KSR1: variants seen among roughly 807,000 people sequenced by gnomAD.
KSR1 encodes kinase suppressor of ras.
In KSR1, 35 loss-of-function variants were observed where a neutral mutation model predicts 92.9. The observed-to-expected ratio is 0.38, with a 90% CI of 0.29 to 0.50. The LOEUF is 0.50. Among genes scored for constraint, KSR1 ranks in the 20% least tolerant of loss-of-function variants. The pLI, the probability that KSR1 is intolerant of heterozygous loss-of-function variation, is 0.94. For missense variants in KSR1, 972 were observed against 1,158.5 expected, an observed-to-expected ratio of 0.84 and a Z score of 2.34; for synonymous variants, 467 against 472.6, an observed-to-expected ratio of 0.99 and a Z score of 0.15.
At chr17:27,621,971 C>A in intron 20 of KSR1, 1 of 1,609,606 alleles carries the variant, frequency 6.2e-7, no homozygotes, top group Non-Finnish European at 8.5e-7. Context: ...GGCTTTCTTC[C>A]TCCTAATCAA....
At chr17:27,582,258 T>A (rs1167634822) in intron 3 of KSR1, among the ~76,000 whole-genome samples, 1 of 152,148 alleles carries the variant, frequency 6.6e-6, no homozygotes, top group Non-Finnish European at 1.5e-5. Flanking sequence ...AGAGTCTGGG[T>A]TTTTTTAGAT....
At chr17:27,505,560 C>A (rs2069349641) in intron 1 of KSR1, among the ~76,000 whole-genome samples, 1 of 145,814 alleles carries the variant, frequency 6.9e-6, no homozygotes, top group Non-Finnish European at 1.5e-5. Flanking sequence ...CCAGCTTTGC[C>A]ACTCCCTGGC....
chr17:27,615,078 A>G (rs2074021989), intron 18 of KSR1, among the ~76,000 whole-genome samples: 3 of 152,198 alleles, frequency 2.0e-5, no homozygotes, highest in Admixed American at 2.0e-4. Context: ...ATATGGGAAG[A>G]CATCAAAAGA....
At position 27,459,984 on chromosome 17, in the gene KSR1, G is replaced by A. The variant is rs372805138; in HGVS notation, c.231+3110G>A. On this transcript the variant is annotated intron_variant, in intron 1 of 20. Coordinates refer to ENST00000644974, the MANE Select transcript of KSR1 (RefSeq NM_001394583.1). The surrounding 1 kb of genome is among the most constrained non-coding windows in gnomAD (Gnocchi z 4.6). Reference sequence around the variant, plus strand: ...AACTCACACACGTTCCTGGAGATCAGCAGTTTTCATCATACACATTTTCCC... The same window carrying A: ...AACTCACACACGTTCCTGGAGATCAACAGTTTTCATCATACACATTTTCCC... Among the ~76,000 whole-genome samples the A allele has an allele frequency of 2.6e-4, 39 of 152,320 alleles. No homozygotes were observed. The highest frequency in any genetic ancestry group is 8.9e-4 in the African/African-American group (37 of 41,558).
chr17:27,577,750 C>T lies in KSR1; in HGVS notation c.520+111C>T, dbSNP rs2072571134. ...CAAGCGTGGCCCAGGGTTTCTGGGGCAGCCTGGAAAGGCCAGGGTTGGATG... is the reference window on the plus strand; with the variant it reads ...CAAGCGTGGCCCAGGGTTTCTGGGGTAGCCTGGAAAGGCCAGGGTTGGATG... On this transcript the variant is annotated intron_variant, in intron 3 of 20. Transcript: ENST00000644974. The surrounding 1 kb of genome is among the most constrained non-coding windows in gnomAD (Gnocchi z 4.5). 3 of 943,546 alleles carry T rather than the reference C, an allele frequency of 3.2e-6. No homozygotes were observed. The highest frequency in any genetic ancestry group is 4.9e-6 in the Non-Finnish European group (3 of 606,138). 58.4% of individuals were successfully genotyped at this position (943,546 alleles called of 1,614,324 possible). A position where few individuals can be genotyped will look rare whatever the true frequency, so the allele number is the denominator to read the frequency against.
rs1165330815 is a variant in KSR1, at chr17:27,479,521, C to T, written c.231+22647C>T. The stretch of plus-strand genomic sequence containing the variant: ...GTAGGGAAGGGAGGAAGGTGCCGCT[C>T]CTAGTGCAGGTGACAGGGATGGGCT... On this transcript the variant is annotated intron_variant, in intron 1 of 20. Transcript: ENST00000644974. Among the ~76,000 whole-genome samples the T allele has an allele frequency of 2.6e-5, 4 of 152,000 alleles. No individual in the cohort carries two copies. The East Asian group carries it at 7.7e-4, about 29-fold the overall frequency.
At chr17:27,617,798 G>C (rs2074106318) in intron 19 of KSR1, 4 of 256,100 alleles carry the variant, frequency 1.6e-5, no homozygotes, top group South Asian at 1.2e-4. Flanking sequence ...AAAGTGCTGG[G>C]ATTACGGGCA....
chr17:27,548,123 C>T (rs963545876), intron 1 of KSR1, among the ~76,000 whole-genome samples: 11 of 150,504 alleles, frequency 7.3e-5, no homozygotes, highest in African/African-American at 1.2e-4. Context: ...TGTCCAGGTG[C>T]GATGGCTCAC....
At chr17:27,512,528 C>T (rs930565376) in intron 1 of KSR1, among the ~76,000 whole-genome samples, 2 of 152,200 alleles carry the variant, frequency 1.3e-5, no homozygotes, top group African/African-American at 4.8e-5. Flanking sequence ...AGTTTGAGAC[C>T]AGCCTGGCCA....
chr17:27,582,733 C>G lies in KSR1; in HGVS notation c.608C>G (p.Ala203Gly). ...GGGCCTTCCACGGACACCCTCTCAG[C>G]AGCCAGCCTGCCCTGGCCCCCAGGG... ...GSGPSTDTLS[A>G]ASLPWPPGSS... The change falls in exon 4 of 21, where the codon GCA (alanine) becomes GGA (glycine). Residue 203 changes from alanine to glycine, a missense_variant. Transcript: ENST00000644974. 2 of 1,613,914 alleles carry G rather than the reference C, an allele frequency of 1.2e-6. No individual in the cohort carries two copies. Among genetic ancestry groups the G allele is most frequent in the Non-Finnish European group, 8.5e-7 (1 of 1,179,854 alleles).
At chr17:27,466,434 G>GA (rs2019698043) in intron 1 of KSR1, among the ~76,000 whole-genome samples, 1 of 152,176 alleles carries the variant, frequency 6.6e-6, no homozygotes, top group Admixed American at 6.5e-5. Flanking sequence ...GAAACTTGCC[G>GA]AGAGAGGTGT....
chr17:27,557,954 C>T (rs1159229664), intron 2 of KSR1: 1 of 152,648 alleles, frequency 6.6e-6, no homozygotes, highest in Non-Finnish European at 1.5e-5. Context: ...GATGTTTTTA[C>T]TCCTGTATTC....
At chr17:27,481,749 AGT>A (rs2068517243) in intron 1 of KSR1, among the ~76,000 whole-genome samples, 1 of 152,164 alleles carries the variant, frequency 6.6e-6, no homozygotes, top group African/African-American at 2.4e-5. Flanking sequence ...CTGGGATTTT[AGT>A]GTACCCATTT....
At chr17:27,521,014 G>A (rs561013008) in intron 1 of KSR1, among the ~76,000 whole-genome samples, 3 of 152,214 alleles carry the variant, frequency 2.0e-5, no homozygotes, top group East Asian at 1.9e-4. Flanking sequence ...AATGGGGCCC[G>A]GTCCTCAAGC....
At chr17:27,535,284 C>T (rs1037678682) in intron 1 of KSR1, among the ~76,000 whole-genome samples, 2 of 152,110 alleles carry the variant, frequency 1.3e-5, no homozygotes, top group Non-Finnish European at 2.9e-5. Flanking sequence ...CAGAGCGCTC[C>T]GTAAACTCTG....
rs1352161835 is a variant in KSR1, at chr17:27,524,258, G to A, written c.232-26310G>A. ...ACCACTTGGCCAGATGCCCCAGTGAGGTCAAGCAGGATGAGGGTGGGAGTG... is the reference window on the plus strand; with the variant it reads ...ACCACTTGGCCAGATGCCCCAGTGAAGTCAAGCAGGATGAGGGTGGGAGTG... On this transcript the variant is annotated intron_variant, in intron 1 of 20. Transcript: ENST00000644974. Among the ~76,000 whole-genome samples the A allele has an allele frequency of 2.0e-5, 3 of 152,166 alleles. No individual in the cohort carries two copies. The East Asian group carries it at 5.8e-4, about 29-fold the overall frequency.
Position 27,522,019 on chromosome 17 carries a change from A to C in KSR1, c.232-28549A>C, listed in dbSNP as rs143189915. The stretch of plus-strand genomic sequence containing the variant: ...ACAAGTATTTATTTTCTAGGCCATG[A>C]GTTCTCAGAGGTCAAGTTCTGGATA... On this transcript the variant is annotated intron_variant, in intron 1 of 20. Transcript: ENST00000644974. 1.9e-3 allele frequency among the ~76,000 whole-genome samples: 295 copies of C among 152,280 alleles called. 1 individual carries two copies. The highest frequency in any genetic ancestry group is 6.9e-3 in the African/African-American group (288 of 41,554).
intron 10 of KSR1, 153 bp from the exon 11 acceptor site, chr17:27,601,207 A>G (rs1425542366): frequency 4.8e-6 from 3 of 629,446 alleles, no homozygotes; most frequent in African/African-American, 3.7e-5. Flanking sequence ...TCCTTCCTGC[A>G]TGGTTTGGCC....
chr17:27,486,135 T>G (rs1466765019), intron 1 of KSR1, among the ~76,000 whole-genome samples: 1 of 152,240 alleles, frequency 6.6e-6, no homozygotes, highest in African/African-American at 2.4e-5. Flanking sequence ...GCAGGCATGG[T>G]GGATTTTTGC....
Sources: allele counts gnomAD v4.1 joint callset (sites outside exome capture counted in the v4.1 genomes callset), GRCh38; gene constraint gnomAD v4.1.1; non-coding constraint Gnocchi (gnomAD v3.1); transcripts MANE v1.5; gene names NCBI Gene and HGNC (gene_info 2026-07-23, HGNC 2026-07-21).